Variants in GTF2A1L observed in about 807,000 individuals in gnomAD.
The protein encoded by GTF2A1L is TFIIA-alpha and beta-like factor.
In GTF2A1L, 48 loss-of-function variants were observed where a neutral mutation model predicts 49.7. That is an observed-to-expected ratio of 0.97 (90% CI 0.77 to 1.23). The LOEUF is 1.23. GTF2A1L is among the 50% of genes most tolerant of loss of function. GTF2A1L has a pLI of 0.00. For synonymous variants in GTF2A1L, 246 were observed against 193.5 expected (o/e 1.27, Z -2.25); for missense variants, 736 against 564.8 (o/e 1.30, Z -3.07).
chr2:48,668,660 T>G (rs952283310), intron 6 of GTF2A1L: 2 of 151,886 alleles, frequency 1.3e-5, no homozygotes, highest in African/African-American at 4.8e-5. Flanking sequence ...TGGAACCCTG[T>G]CTCTACTAAA....
intron 8 of GTF2A1L, among the ~76,000 whole-genome samples, chr2:48,676,028 T>C (rs1679450294): frequency 6.6e-6 from 1 of 151,950 alleles, no homozygotes; most frequent in South Asian, 2.1e-4. Flanking sequence ...TATTAGTAGC[T>C]CCTTTTCCTG....
chr2:48,668,252 C>T (rs1678957036), intron 6 of GTF2A1L, among the ~76,000 whole-genome samples: 1 of 152,108 alleles, frequency 6.6e-6, no homozygotes, highest in Admixed American at 6.5e-5. Context: ...TTTCTATATT[C>T]CAGTCTTAAA....
chr2:48,664,651 G>A (rs975734929), intron 6 of GTF2A1L, among the ~76,000 whole-genome samples: 1 of 152,114 alleles, frequency 6.6e-6, no homozygotes, highest in Non-Finnish European at 1.5e-5. Context: ...TTCCTTGTGG[G>A]AAGGTTTTTA....
intron 8 of GTF2A1L, among the ~76,000 whole-genome samples, chr2:48,673,028 T>G (rs1159122615): frequency 9.2e-5 from 14 of 152,246 alleles, no homozygotes; most frequent in Admixed American, 9.2e-4. Context: ...GAATTTCATA[T>G]GAAAGAAATT....
chr2:48,624,295 C>T (rs1343589343), intron 3 of GTF2A1L, among the ~76,000 whole-genome samples: 1 of 144,076 alleles, frequency 6.9e-6, no homozygotes, highest in Non-Finnish European at 1.6e-5. Flanking sequence ...AACATAATAG[C>T]ATATATTTAT....
intron 6 of GTF2A1L, among the ~76,000 whole-genome samples, chr2:48,652,147 C>G (rs770760692): frequency 1.3e-5 from 2 of 152,034 alleles, no homozygotes; most frequent in Non-Finnish European, 2.9e-5. Context: ...TAAAGAGGGC[C>G]TCACTGATTG....
At chr2:48,678,146 A>C (rs1679575456) in intron 8 of GTF2A1L, among the ~76,000 whole-genome samples, 1 of 152,022 alleles carries the variant, frequency 6.6e-6, no homozygotes, top group African/African-American at 2.4e-5. Flanking sequence ...TTTTATATTA[A>C]TAAGTTCCTA....
At chr2:48,635,067 G>C (rs1359031219) in intron 3 of GTF2A1L, among the ~76,000 whole-genome samples, 4 of 152,202 alleles carry the variant, frequency 2.6e-5, no homozygotes, top group Non-Finnish European at 5.9e-5. Flanking sequence ...TCTAATCCAG[G>C]GTAGTGAGTG....
chr2:48,660,614 G>C (rs1416687235), intron 6 of GTF2A1L, among the ~76,000 whole-genome samples: 3 of 151,736 alleles, frequency 2.0e-5, no homozygotes, highest in Non-Finnish European at 4.4e-5. Context: ...AATTATTAAT[G>C]ATGTCCCCTC....
At chr2:48,671,479 T>C (rs573827021) in intron 7 of GTF2A1L, 112 bp from the exon 8 acceptor site, 2 of 1,099,986 alleles carry the variant, frequency 1.8e-6, no homozygotes, top group Admixed American at 4.9e-5. Flanking sequence ...GCTGGGATTA[T>C]AGGAATGAGC....
chr2:48,618,525 A>G (rs1467722414), intron 1 of GTF2A1L, among the ~76,000 whole-genome samples: 3 of 152,202 alleles, frequency 2.0e-5, no homozygotes, highest in African/African-American at 7.2e-5. Context: ...TTTATTACCA[A>G]TTCATCTCAA....
chr2:48,675,782 C>G (rs1170736048), intron 8 of GTF2A1L, among the ~76,000 whole-genome samples: 1 of 151,704 alleles, frequency 6.6e-6, no homozygotes, highest in Non-Finnish European at 1.5e-5. Context: ...AGATGCTATA[C>G]AATGATTAAT....
intron 4 of GTF2A1L, 103 bp from the exon 5 acceptor site, chr2:48,644,930 C>T (rs1215677829): frequency 6.1e-6 from 6 of 977,710 alleles, no homozygotes; most frequent in Non-Finnish European, 7.3e-6. Context: ...TATTGTCAAA[C>T]TATTGTCCAG....
intron 4 of GTF2A1L, among the ~76,000 whole-genome samples, chr2:48,643,333 A>G (rs890363850): frequency 4.6e-5 from 7 of 152,208 alleles, no homozygotes; most frequent in Admixed American, 3.9e-4. Context: ...TCTTTCTTCC[A>G]TGGTACTGAG....
rs1482328323 is a variant in GTF2A1L, at chr2:48,642,412, T to C, written c.258T>C (p.Val86=). 6.3e-7 allele frequency: 1 copy of C among 1,592,434 alleles called. No individual in the cohort carries two copies. The highest frequency in any genetic ancestry group is 1.2e-5 in the South Asian group (1 of 86,548). The change falls in exon 4 of 9, where the codon GTT becomes GTC. Residue 86 remains valine, a synonymous_variant. Transcript: ENST00000403751. ...TTGTTTCCTATGCAGCATCATTAGT[T>C]ATTCCTGCTGGTAGAACTCTTCCAA... ...QTLQSSTASL[V]IPAGRTLPSF...
rs3077611 is a variant in GTF2A1L, at chr2:48,624,459, T to TATAG, written c.247+3194_247+3197dup. Among the ~76,000 whole-genome samples, 283 of 138,770 alleles carry TATAG rather than the reference T, an allele frequency of 2.0e-3. 26 individuals carry two copies. The highest frequency in any genetic ancestry group is 5.4e-3 in the African/African-American group (216 of 39,702). 91.0% of individuals were successfully genotyped at this position (138,770 alleles called of 152,430 possible). A position where few individuals can be genotyped will look rare whatever the true frequency, so the allele number is the denominator to read the frequency against. ...TAAGGTGTTCACCATAGTGCTTTGA[T>TATAG]ATAGATAGATAGATAGATAGATAGA... On this transcript the variant is annotated intron_variant, in intron 3 of 8. Transcript: ENST00000403751.
chr2:48,618,766 C>A (rs1455683338), intron 1 of GTF2A1L, among the ~76,000 whole-genome samples: 1 of 152,092 alleles, frequency 6.6e-6, no homozygotes, highest in African/African-American at 2.4e-5. Flanking sequence ...GAAGGAGTGT[C>A]TGTATTTTAA....
rs185118558 is a variant in GTF2A1L, at chr2:48,678,968, A to C, written c.1330-367A>C. 2.0e-3 allele frequency among the ~76,000 whole-genome samples: 303 copies of C among 152,094 alleles called. 1 individual carries two copies. Among genetic ancestry groups the C allele is most frequent in the Non-Finnish European group, 3.6e-3 (243 of 67,912 alleles). On this transcript the variant is annotated intron_variant, in intron 8 of 8. Transcript: ENST00000403751. ...CAAGTTTTTGCTCAAGTGTCACCTCAAATGACAGCTTAATATTCTACATAA... is the reference window on the plus strand; with the variant it reads ...CAAGTTTTTGCTCAAGTGTCACCTCCAATGACAGCTTAATATTCTACATAA...
At chr2:48,650,199 A>G (rs929314235) in intron 6 of GTF2A1L, among the ~76,000 whole-genome samples, 6 of 152,234 alleles carry the variant, frequency 3.9e-5, no homozygotes, top group African/African-American at 1.4e-4. Context: ...AAGAATATAT[A>G]CACACTCGTG....
Sources: allele counts gnomAD v4.1 joint callset (sites outside exome capture counted in the v4.1 genomes callset), GRCh38; gene constraint gnomAD v4.1.1; transcripts MANE v1.5; gene names NCBI Gene and HGNC (gene_info 2026-07-23, HGNC 2026-07-21).